The following NAALADL2 variants were observed in gnomAD, a reference collection of about 807,000 sequenced individuals.
NAALADL2 encodes inactive N-acetylated-alpha-linked acidic dipeptidase-like protein 2.
NAALADL2 carries 76 observed loss-of-function variants against 87.2 expected under a neutral mutation model. The ratio of observed to expected loss-of-function variants is 0.87; its 90% CI spans 0.72 to 1.05. The LOEUF (loss-of-function observed/expected upper bound fraction) is 1.05, where lower values mean the gene tolerates loss of function less well. Among genes scored for constraint, NAALADL2 ranks in the 50% least tolerant of loss-of-function variants. NAALADL2 has a pLI of 0.00. For missense variants in NAALADL2, 1,089 were observed against 945.8 expected, an observed-to-expected ratio of 1.15 and a Z score of -1.99; for synonymous variants, 354 against 331.0, an observed-to-expected ratio of 1.07 and a Z score of -0.75.
chr3:175,796,082 AGAGAGAGTGG>A (rs1158353719), intron 13 of NAALADL2, among the ~76,000 whole-genome samples: 1 of 105,230 alleles, frequency 9.5e-6, no homozygotes, highest in African/African-American at 3.7e-5. Flanking sequence ...AGGGAGAAGG[AGAGAGAGTGG>A]GGGAGAGTGG....
intron 11 of NAALADL2, among the ~76,000 whole-genome samples, chr3:175,713,477 T>A (rs1740808587): frequency 1.3e-5 from 2 of 152,228 alleles, no homozygotes; most frequent in South Asian, 4.1e-4. Flanking sequence ...ACACAAATAG[T>A]ATGATAGTGT....
chr3:174,914,177 C>A (rs1416126592), intron 1 of NAALADL2, among the ~76,000 whole-genome samples: 2 of 151,764 alleles, frequency 1.3e-5, no homozygotes, highest in East Asian at 3.9e-4. Flanking sequence ...ATTCTCCTGC[C>A]TCAGCCTCCC....
intron 2 of NAALADL2, among the ~76,000 whole-genome samples, chr3:175,206,663 TACTC>T (rs1276222686): frequency 6.6e-6 from 1 of 151,990 alleles, no homozygotes; most frequent in Non-Finnish European, 1.5e-5. Context: ...CTAAAGAACT[TACTC>T]ATGTAACCAA....
intron 1 of NAALADL2, among the ~76,000 whole-genome samples, chr3:174,515,016 A>G (rs1372153055): frequency 1.3e-5 from 2 of 152,166 alleles, no homozygotes; most frequent in Non-Finnish European, 2.9e-5. Context: ...ATGAGTTCAA[A>G]TTTAATACTC....
chr3:174,968,998 A>G (rs903106848), intron 1 of NAALADL2, among the ~76,000 whole-genome samples: 2 of 152,180 alleles, frequency 1.3e-5, no homozygotes, highest in African/African-American at 4.8e-5. Context: ...GATACATATC[A>G]TCTCCACTTT....
chr3:175,002,658 T>C (rs1025116569), intron 1 of NAALADL2, among the ~76,000 whole-genome samples: 1 of 152,194 alleles, frequency 6.6e-6, no homozygotes, highest in African/African-American at 2.4e-5. Context: ...TTTGTTGTAA[T>C]AAAGAATCTC....
rs565589732 is a variant in NAALADL2, at chr3:174,604,524, A to G, written c.-115+53887A>G. On this transcript the variant is annotated intron_variant, in intron 2 of 3. Transcript: ENST00000434257. ...CTGTTTTTTGTTTTGCTTTCCATTCAGCTACTTCTGTCTTTTGGTTGAAGA... is the reference window on the plus strand; with the variant it reads ...CTGTTTTTTGTTTTGCTTTCCATTCGGCTACTTCTGTCTTTTGGTTGAAGA... Among the ~76,000 whole-genome samples, 14 of 152,024 alleles carry G rather than the reference A, an allele frequency of 9.2e-5. No individual in the cohort carries two copies. In the East Asian group the frequency reaches 2.1e-3, roughly 23 times the overall value.
At chr3:175,026,492 A>AG (rs1483391125) in intron 1 of NAALADL2, among the ~76,000 whole-genome samples, 1 of 151,196 alleles carries the variant, frequency 6.6e-6, no homozygotes. Flanking sequence ...TAAAAAAAAA[A>AG]AAAAAAAAAA....
chr3:174,787,929 CAAACA>C (rs1003625787), intron 3 of NAALADL2, among the ~76,000 whole-genome samples: 498 of 151,806 alleles, frequency 3.3e-3, no homozygotes, highest in African/African-American at 0.011. Flanking sequence ...TGTCAAAAAA[CAAACA>C]AAACAAAACA....
At chr3:175,729,198 C>G (rs1743335724) in intron 11 of NAALADL2, among the ~76,000 whole-genome samples, 1 of 152,120 alleles carries the variant, frequency 6.6e-6, no homozygotes, top group Non-Finnish European at 1.5e-5. Flanking sequence ...TTATCTCTAA[C>G]AGGAAAGTAA....
At chr3:175,349,142 A>G (rs981628846) in intron 5 of NAALADL2, among the ~76,000 whole-genome samples, 2 of 151,880 alleles carry the variant, frequency 1.3e-5, no homozygotes, top group African/African-American at 2.4e-5. Context: ...GAGAATAAGA[A>G]TGAAAGAGAG....
intron 6 of NAALADL2, among the ~76,000 whole-genome samples, chr3:175,453,313 C>T (rs78565046): frequency 0.011 from 1,659 of 152,158 alleles, 25 homozygotes; most frequent in African/African-American, 0.036. Context: ...AAAACTTGCA[C>T]GGATTCCTCA....
chr3:175,535,951 G>T (rs1734756558), intron 9 of NAALADL2, among the ~76,000 whole-genome samples: 1 of 152,132 alleles, frequency 6.6e-6, no homozygotes, highest in Non-Finnish European at 1.5e-5. Context: ...TTTTTTAGGA[G>T]CCAAATTGAG....
At chr3:175,604,141 T>C (rs191273621) in intron 10 of NAALADL2, among the ~76,000 whole-genome samples, 1 of 151,908 alleles carries the variant, frequency 6.6e-6, no homozygotes, top group East Asian at 1.9e-4. Flanking sequence ...ATAACAGCTG[T>C]CCCATTTTAC....
At chr3:174,494,201 G>T (rs1248512340) in intron 1 of NAALADL2, among the ~76,000 whole-genome samples, 1 of 152,148 alleles carries the variant, frequency 6.6e-6, no homozygotes, top group Non-Finnish European at 1.5e-5. Context: ...GCTTGGAGAT[G>T]AGAACCAAAA....
chr3:175,780,862 G>A (rs1018807293), intron 13 of NAALADL2, among the ~76,000 whole-genome samples: 2 of 152,156 alleles, frequency 1.3e-5, no homozygotes, highest in African/African-American at 4.8e-5. Flanking sequence ...ATTATTTGCT[G>A]TACTTGAAGG....
At chr3:175,639,748 A>G (rs1370999222) in intron 11 of NAALADL2, among the ~76,000 whole-genome samples, 1 of 152,184 alleles carries the variant, frequency 6.6e-6, no homozygotes, top group Admixed American at 6.5e-5. Flanking sequence ...AAGTCCTCTC[A>G]GTTTAAAATC....
intron 2 of NAALADL2, among the ~76,000 whole-genome samples, chr3:175,206,340 A>G (rs1740912832): frequency 1.4e-5 from 2 of 146,796 alleles, no homozygotes; most frequent in East Asian, 2.0e-4. Context: ...ACACACATAT[A>G]TAATGTATAT....
chr3:175,462,869 A>G (rs1723360422), intron 6 of NAALADL2, among the ~76,000 whole-genome samples: 1 of 152,208 alleles, frequency 6.6e-6, no homozygotes, highest in South Asian at 2.1e-4. Context: ...AAACTCTAAT[A>G]TATGAAAACA....
Sources: allele counts gnomAD v4.1 joint callset (sites outside exome capture counted in the v4.1 genomes callset), GRCh38; gene constraint gnomAD v4.1.1; transcripts MANE v1.5; gene names NCBI Gene and HGNC (gene_info 2026-07-23, HGNC 2026-07-21).